GNG7: variants seen among roughly 807,000 people sequenced by gnomAD.
The protein encoded by GNG7 is G protein subunit gamma 7.
In GNG7, 1 loss-of-function variant was observed where a neutral mutation model predicts 4.0. That is an observed-to-expected ratio of 0.25 (90% confidence interval 0.09 to 1.18). The LOEUF (loss-of-function observed/expected upper bound fraction) is 1.18. Ranked by LOEUF, GNG7 falls within the 50% of genes most tolerant of loss-of-function variation. The pLI is 0.50. For synonymous variants in GNG7, 34 were observed against 36.9 expected (o/e 0.92, Z 0.29); for missense variants, 86 against 91.9 (o/e 0.94, Z 0.26).
At chr19:2,588,125 G>T (rs557458828) in intron 2 of GNG7, among the ~76,000 whole-genome samples, 4 of 152,244 alleles carry the variant, frequency 2.6e-5, no homozygotes, top group African/African-American at 9.6e-5. Flanking sequence ...GGTGTAAAAG[G>T]TCCCCGGGTA....
chr19:2,640,876 G>A (rs763508266), intron 2 of GNG7, among the ~76,000 whole-genome samples: 1 of 152,116 alleles, frequency 6.6e-6, no homozygotes, highest in African/African-American at 2.4e-5. Flanking sequence ...CCATCCTCCC[G>A]CCTTGGCCTC....
chr19:2,677,779 C>G (rs1414234744), intron 1 of GNG7, among the ~76,000 whole-genome samples: 3 of 151,576 alleles, frequency 2.0e-5, no homozygotes, highest in Admixed American at 6.6e-5. Flanking sequence ...TGGGCAATGT[C>G]TGGGGACATC....
At chr19:2,610,960 G>A (rs1278405957) in intron 2 of GNG7, 2 of 145,068 alleles carry the variant, frequency 1.4e-5, no homozygotes. Context: ...CGGTGGGGAC[G>A]AGGGGGCGGG....
chr19:2,577,181 A>G (rs1347908076), intron 2 of GNG7, among the ~76,000 whole-genome samples: 1 of 151,892 alleles, frequency 6.6e-6, no homozygotes, highest in East Asian at 1.9e-4. Flanking sequence ...ACACACATCC[A>G]CTTAGTACGT....
chr19:2,560,254 C>T (rs1979700869), intron 2 of GNG7, among the ~76,000 whole-genome samples: 1 of 152,122 alleles, frequency 6.6e-6, no homozygotes, highest in Non-Finnish European at 1.5e-5. Flanking sequence ...AGTACAAACC[C>T]AGCCTGTCCC....
intron 2 of GNG7, among the ~76,000 whole-genome samples, chr19:2,599,263 G>A (rs1283038256): frequency 6.6e-6 from 1 of 152,060 alleles, no homozygotes; most frequent in African/African-American, 2.4e-5. Context: ...CTTGGTAGAT[G>A]TCTGTCTGTC....
intron 2 of GNG7, among the ~76,000 whole-genome samples, chr19:2,644,327 T>TCA (rs1982600107): frequency 8.7e-6 from 1 of 114,432 alleles, no homozygotes; most frequent in African/African-American, 3.3e-5. Flanking sequence ...GGCCTACACT[T>TCA]TATATATATA....
intron 1 of GNG7, among the ~76,000 whole-genome samples, chr19:2,666,298 G>C (rs374206184): frequency 3.3e-5 from 5 of 151,712 alleles, no homozygotes; most frequent in Non-Finnish European, 7.4e-5. Flanking sequence ...TCAGCCTCCC[G>C]AGTAGCTGGG....
At chr19:2,538,313 A>G (rs1175507438) in intron 3 of GNG7, 2 of 456,158 alleles carry the variant, frequency 4.4e-6, no homozygotes, top group Non-Finnish European at 8.8e-6. Flanking sequence ...TCCCTCCACG[A>G]TGCTATCCAA....
chr19:2,619,995 C>T (rs978784330), intron 2 of GNG7, among the ~76,000 whole-genome samples: 43 of 151,340 alleles, frequency 2.8e-4, no homozygotes, highest in Non-Finnish European at 5.4e-4. Context: ...GTCGGGAGTT[C>T]AAGACCAGCC....
chr19:2,643,092 TTG>T, intron 2 of GNG7: 1 of 445,408 alleles, frequency 2.2e-6, no homozygotes, highest in East Asian at 7.3e-5. Context: ...CCTTGCGCCA[TTG>T]GCACCGGAAA....
intron 2 of GNG7, among the ~76,000 whole-genome samples, chr19:2,597,961 C>T (rs914407377): frequency 2.0e-5 from 3 of 151,282 alleles, no homozygotes; most frequent in East Asian, 1.9e-4. Flanking sequence ...TGCCAATGTA[C>T]AATGCGCTCC....
Position 2,513,260 on chromosome 19 carries a change from A to T in GNG7, c.*1762T>A. ...CGGAGGACCTGGGCGGCCGTCCAGG[A>T]ACCCTCTCGGCACGGGTTCTTAGAC... On this transcript the variant is annotated 3_prime_UTR_variant, in exon 5 of 5. Transcript: ENST00000382159. 1.0e-5 allele frequency: 5 copies of T among 483,502 alleles called. No individual in the cohort carries two copies. The highest frequency in any genetic ancestry group is 1.3e-5 in the Non-Finnish European group (5 of 371,432). The allele number at this position is 483,502 out of a possible 1,614,324, so 30.0% of individuals were successfully genotyped here.
At position 2,543,207 on chromosome 19, in the gene GNG7, C is replaced by A. The variant is rs2144749649; in HGVS notation, c.-38+11942G>T. 2.0e-5 allele frequency among the ~76,000 whole-genome samples: 3 copies of A among 148,028 alleles called. No homozygotes were observed. The East Asian group carries it at 6.0e-4, about 29-fold the overall frequency. On this transcript the variant is annotated intron_variant, in intron 3 of 4. Coordinates refer to ENST00000382159, the MANE Select transcript of GNG7 (RefSeq NM_052847.3). ...GTCCTGGGATTCCATGTATGAGACG[C>A]CGTGCCTGGCCTCCTTTTTTTTTTT...
chr19:2,641,149 A>T (rs1982494904), intron 2 of GNG7, among the ~76,000 whole-genome samples: 1 of 152,192 alleles, frequency 6.6e-6, no homozygotes, highest in South Asian at 2.1e-4. Context: ...CGATGGCCAG[A>T]GTTGCGCCCG....
At chr19:2,621,271 C>T (rs1981861236) in intron 2 of GNG7, among the ~76,000 whole-genome samples, 1 of 152,166 alleles carries the variant, frequency 6.6e-6, no homozygotes, top group Non-Finnish European at 1.5e-5. Context: ...CACCTGTGGT[C>T]CCAGCTACTC....
At chr19:2,600,532 C>A (rs1056819774) in intron 2 of GNG7, among the ~76,000 whole-genome samples, 12 of 148,878 alleles carry the variant, frequency 8.1e-5, no homozygotes, top group Admixed American at 6.1e-4. Context: ...AGTGCAGTGG[C>A]GCAATCTCAG....
At chr19:2,579,914 T>A (rs1258923181) in intron 2 of GNG7, among the ~76,000 whole-genome samples, 1 of 152,180 alleles carries the variant, frequency 6.6e-6, no homozygotes, top group Non-Finnish European at 1.5e-5. Context: ...TGCAAGCCTG[T>A]GCTCCCTCCA....
intron 2 of GNG7, among the ~76,000 whole-genome samples, chr19:2,630,302 G>A (rs1982125285): frequency 6.6e-6 from 1 of 152,140 alleles, no homozygotes; most frequent in South Asian, 2.1e-4. Context: ...CTCCCCTTGA[G>A]TGTGGGCAGG....
Sources: gnomAD v4.1 joint callset for allele counts (sites outside exome capture counted in the v4.1 genomes callset) on GRCh38, gnomAD v4.1.1 for gene constraint, MANE v1.5 for transcripts, NCBI Gene and HGNC (gene_info 2026-07-23, HGNC 2026-07-21) for gene names.